FAM149A: variants seen among roughly 807,000 people sequenced by gnomAD.
FAM149A encodes the protein protein FAM149A.
Under a neutral mutation model 78.2 loss-of-function variants are expected in FAM149A, and 71 were observed. That is an observed-to-expected ratio of 0.91 (90% CI 0.75 to 1.11). The LOEUF (loss-of-function observed/expected upper bound fraction) is 1.11. Ranked by LOEUF, FAM149A falls within the 50% of genes least tolerant of loss-of-function variation. The probability of loss-of-function intolerance (pLI) is 0.00; values close to 1 mark genes in which losing one functional copy is unlikely to be tolerated. For synonymous variants in FAM149A, 446 were observed against 410.5 expected (o/e 1.09, Z -1.04); for missense variants, 1,036 against 971.0 (o/e 1.07, Z -0.89).
chr4:186,152,019 G>T lies in FAM149A; in HGVS notation c.906G>T (p.Glu302Asp), dbSNP rs768106559. 1 of 1,614,082 alleles carries T rather than the reference G, an allele frequency of 6.2e-7. No homozygotes were observed. Among genetic ancestry groups the T allele is most frequent in the Admixed American group, 1.7e-5 (1 of 60,020 alleles). ...AGAGTCTGCTGGCCGAATGCGGGGA[G>T]TGGACAAGAAGATCCCTCCATTTGA... Residue 302 changes from glutamate (E) to aspartate (D), a missense_variant, in exon 4 of 14, where the codon GAG becomes GAT. By Grantham distance (45) the Glu-to-Asp change is conservative (BLOSUM62 2). Transcript: ENST00000389354.
At chr4:186,142,686 G>T (rs1240240399) in intron 1 of FAM149A, among the ~76,000 whole-genome samples, 1 of 152,172 alleles carries the variant, frequency 6.6e-6, no homozygotes, top group African/African-American at 2.4e-5. Context: ...GAAGCTGCAT[G>T]AGAGAAGGCT....
chr4:186,136,680 A>G (rs2099322839), intron 1 of FAM149A, among the ~76,000 whole-genome samples: 1 of 152,216 alleles, frequency 6.6e-6, no homozygotes, highest in East Asian at 1.9e-4. Context: ...CAACATTTAT[A>G]GCAATTTCAA....
chr4:186,143,155 T>C (rs1732659329), intron 1 of FAM149A, among the ~76,000 whole-genome samples: 1 of 107,042 alleles, frequency 9.3e-6, no homozygotes, highest in Non-Finnish European at 1.7e-5. Context: ...TTTACTTTTT[T>C]TTTTTTTTTT....
At chr4:186,132,287 GA>G in intron 1 of FAM149A, 1 of 868,424 alleles carries the variant, frequency 1.2e-6, no homozygotes, top group Non-Finnish European at 1.4e-6. Context: ...TGAAATCAAT[GA>G]AATTGATTTA....
Position 186,167,265 on chromosome 4 carries a change from C to A in FAM149A, c.2218+3C>A. The A allele has an allele frequency of 6.2e-7, 1 of 1,610,168 alleles. No homozygotes were observed. The highest frequency in any genetic ancestry group is 1.1e-5 in the South Asian group (1 of 90,962). On this transcript the variant is annotated splice_donor_region_variant and intron_variant, in intron 13 of 13. Transcript: ENST00000389354. ...GACAGGTCAAAGTATTTTGACAGGT[C>A]AGCTTTTCTCCATATGTAAATAAAG...
chr4:186,118,170 C>G lies in FAM149A; in HGVS notation c.566+12528C>G, dbSNP rs970551060. On this transcript the variant is annotated intron_variant, in intron 1 of 13. Coordinates refer to ENST00000389354, the MANE Select transcript of FAM149A (RefSeq NM_001367768.3). ...GGAGTTGGTGAACACACACAGTGAT[C>G]ACAAACTATACAACAGATGACATCA... 5.1e-6 allele frequency: 5 copies of G among 985,294 alleles called. No individual in the cohort carries two copies. The African/African-American group carries it at 8.7e-5, about 17-fold the overall frequency. 61.0% of individuals were successfully genotyped at this position (985,294 alleles called of 1,614,324 possible).
At chr4:186,123,538 G>A in intron 1 of FAM149A, 1 of 279,820 alleles carries the variant, frequency 3.6e-6, no homozygotes, top group Non-Finnish European at 5.4e-6. Context: ...GGGAGAAAGA[G>A]CACGTGAGCC....
intron 1 of FAM149A, chr4:186,118,387 G>A (rs576814438): frequency 4.1e-6 from 1 of 242,780 alleles, no homozygotes; most frequent in African/African-American, 2.3e-5. Flanking sequence ...GGGAGAATAA[G>A]CATTTAGAAA....
rs1157499667 is a variant in FAM149A, at chr4:186,137,004, CTCTCTCTCTCTCTCTAA to C, written c.567-12168_567-12152del. Among the ~76,000 whole-genome samples, 19 of 135,052 alleles carry C rather than the reference CTCTCTCTCTCTCTCTAA, an allele frequency of 1.4e-4. No homozygotes were observed. The East Asian group carries it at 3.0e-3, about 22-fold the overall frequency. 88.6% of individuals were successfully genotyped at this position (135,052 alleles called of 152,430 possible). A position where few individuals can be genotyped will look rare whatever the true frequency, so the allele number is the denominator to read the frequency against. ...TCTCTCTCTCTCTCTCTCTCTCTCT[CTCTCTCTCTCTCTCTAA>C]GTGCTTAAAGCAGGGCCTGGTGTGT... On this transcript the variant is annotated intron_variant, in intron 1 of 13. Coordinates refer to ENST00000389354, the MANE Select transcript of FAM149A (RefSeq NM_001367768.3).
At position 186,105,097 on chromosome 4, in the gene FAM149A, C is replaced by T. The variant is rs1302190736; in HGVS notation, c.21C>T (p.Asp7=). ...GAGGCATGAAGGCTGCTGTGCTGGACCTTGGGTCTCTCTTGGCCAAACTCT... is the reference window on the plus strand; with the variant it reads ...GAGGCATGAAGGCTGCTGTGCTGGATCTTGGGTCTCTCTTGGCCAAACTCT... The change falls in exon 1 of 14, where the codon GAC becomes GAT. Residue 7 remains aspartate, a synonymous_variant. Transcript: ENST00000389354. 3 of 1,281,026 alleles carry T rather than the reference C, an allele frequency of 2.3e-6. No homozygotes were observed. The highest frequency in any genetic ancestry group is 1.2e-5 in the South Asian group (1 of 80,780). The allele number at this position is 1,281,026 out of a possible 1,614,324, so 79.4% of individuals were successfully genotyped here.
intron 1 of FAM149A, chr4:186,118,302 G>C: frequency 3.2e-6 from 3 of 926,876 alleles, no homozygotes; most frequent in Non-Finnish European, 3.9e-6. Context: ...TTCTCAATGT[G>C]TGTGCCATTA....
In FAM149A at chr4:186,164,164, T is replaced by TA. The variant is rs1734831412; in HGVS notation, c.1889+532dup. 6.6e-6 allele frequency among the ~76,000 whole-genome samples: 1 copy of TA among 152,224 alleles called. No individual in the cohort carries two copies. Among genetic ancestry groups the TA allele is most frequent in the Non-Finnish European group, 1.5e-5 (1 of 68,034 alleles). ...TAACTTACCAGTATCGGCCAATACTTACATTGATAATAATAGCTAATGTTT... is the reference window on the plus strand; with the variant it reads ...TAACTTACCAGTATCGGCCAATACTTAACATTGATAATAATAGCTAATGTTT... On this transcript the variant is annotated intron_variant, in intron 10 of 13. Coordinates refer to ENST00000389354, the MANE Select transcript of FAM149A (RefSeq NM_001367768.3). This position sits in a 1 kb window ranked among gnomAD's most constrained non-coding sequence, Gnocchi z 4.0.
intron 1 of FAM149A, among the ~76,000 whole-genome samples, chr4:186,136,976 T>TTCTCTCTCTCTC (rs70964917): frequency 3.2e-4 from 23 of 72,088 alleles, no homozygotes; most frequent in African/African-American, 1.2e-3. Context: ...CTCTCTCTCT[T>TTCTCTCTCTCTC]TCTCTCTCTC....
In FAM149A at chr4:186,138,724, G is replaced by A. The variant is rs149244831; in HGVS notation, c.567-10449G>A. Among the ~76,000 whole-genome samples the A allele has an allele frequency of 1.4e-4, 21 of 152,204 alleles. No homozygotes were observed. In the East Asian group the frequency reaches 3.7e-3, roughly 27 times the overall value. On this transcript the variant is annotated intron_variant, in intron 1 of 13. Transcript: ENST00000389354. ...ATGGTGAGACTGGGGTTATGGGTTT[G>A]GGGGGGAAGGCCACAGAAGGGAAGT...
At chr4:186,123,881 T>TAA (rs71593674) in intron 1 of FAM149A, 3,128 of 946,656 alleles carry the variant, frequency 3.3e-3, no homozygotes, top group South Asian at 7.2e-3. Context: ...ATCACTTTCT[T>TAA]AAAAAAAATA....
chr4:186,119,230 AT>A (rs1348949009), intron 1 of FAM149A, among the ~76,000 whole-genome samples: 1 of 152,186 alleles, frequency 6.6e-6, no homozygotes, highest in African/African-American at 2.4e-5. Flanking sequence ...ACAGACACAC[AT>A]TTAACAGGAC....
intron 1 of FAM149A, chr4:186,146,309 G>C (rs1733028269): frequency 5.6e-6 from 1 of 178,724 alleles, no homozygotes; most frequent in Non-Finnish European, 1.1e-5. Flanking sequence ...AAATGGCATG[G>C]AGTAGGGGAG....
At chr4:186,136,988 C>CTCTCTCTCTCTCTCTCTG (rs2099323425) in intron 1 of FAM149A, among the ~76,000 whole-genome samples, 1 of 121,520 alleles carries the variant, frequency 8.2e-6, no homozygotes, top group Non-Finnish European at 1.8e-5. Context: ...CTCTCTCTCT[C>CTCTCTCTCTCTCTCTCTG]TCTCTCTCTC....
At chr4:186,150,423 T>C (rs1272894091) in intron 3 of FAM149A, among the ~76,000 whole-genome samples, 1 of 123,914 alleles carries the variant, frequency 8.1e-6, no homozygotes, top group Non-Finnish European at 1.7e-5. Context: ...CTTTTTTTTT[T>C]TTTTTTTTTT....
Sources: allele counts gnomAD v4.1 joint callset (sites outside exome capture counted in the v4.1 genomes callset), GRCh38; gene constraint gnomAD v4.1.1; non-coding constraint Gnocchi (gnomAD v3.1); transcripts MANE v1.5; gene names NCBI Gene and HGNC (gene_info 2026-07-23, HGNC 2026-07-21).